The following GALNTL6 variants were observed in gnomAD, a reference collection of about 807,000 sequenced individuals.
The protein encoded by GALNTL6 is polypeptide N-acetylgalactosaminyltransferase like 6, also known as polypeptide N-acetylgalactosaminyltransferase-like 6.
GALNTL6 carries 46 observed loss-of-function variants against 73.7 expected under a neutral mutation model. The observed-to-expected ratio is 0.62, with a 90% CI of 0.49 to 0.80. The LOEUF (loss-of-function observed/expected upper bound fraction) is 0.80, where lower values mean the gene tolerates loss of function less well. GALNTL6 is among the 30% of genes least tolerant of loss of function. The probability of loss-of-function intolerance (pLI) is 0.00; values close to 1 mark genes in which losing one functional copy is unlikely to be tolerated. For missense variants in GALNTL6, 604 were observed against 755.0 expected, an observed-to-expected ratio of 0.80 and a Z score of 2.34; for synonymous variants, 259 against 263.7, an observed-to-expected ratio of 0.98 and a Z score of 0.17.
intron 2 of GALNTL6, among the ~76,000 whole-genome samples, chr4:171,880,024 C>T (rs1375089601): frequency 6.6e-6 from 1 of 152,130 alleles, no homozygotes; most frequent in Non-Finnish European, 1.5e-5. Context: ...TTGTTAAGAG[C>T]TTACTGTTAT....
At chr4:172,588,666 T>C (rs1178767549) in intron 5 of GALNTL6, among the ~76,000 whole-genome samples, 3 of 152,054 alleles carry the variant, frequency 2.0e-5, no homozygotes, top group African/African-American at 7.2e-5. Flanking sequence ...TTCTCAGAGG[T>C]CACTTTAGAA....
At chr4:172,802,087 C>A (rs1290425520) in intron 5 of GALNTL6, among the ~76,000 whole-genome samples, 1 of 150,554 alleles carries the variant, frequency 6.6e-6, no homozygotes, top group Non-Finnish European at 1.5e-5. Flanking sequence ...GAGGAATTTC[C>A]CATCGTTTGG....
At position 172,016,617 on chromosome 4, in the gene GALNTL6, T is replaced by G. The variant is rs1741202258; in HGVS notation, c.138+201899T>G. On this transcript the variant is annotated intron_variant, in intron 2 of 12. Transcript: ENST00000506823. Reference sequence around the variant, plus strand: ...TTTGGATCCATTGCTAGGAAGCTAGTGTGATATTTTGGGGGTTGTTATAGA... The same window carrying G: ...TTTGGATCCATTGCTAGGAAGCTAGGGTGATATTTTGGGGGTTGTTATAGA... 5.9e-5 allele frequency among the ~76,000 whole-genome samples: 9 copies of G among 152,078 alleles called. 1 individual carries two copies. The South Asian group carries it at 1.7e-3, about 28-fold the overall frequency.
intron 2 of GALNTL6, among the ~76,000 whole-genome samples, chr4:171,992,358 T>G (rs2110739615): frequency 6.6e-6 from 1 of 152,180 alleles, no homozygotes; most frequent in African/African-American, 2.4e-5. Context: ...GGCCATTCAG[T>G]TAATTACCCT....
At chr4:172,908,878 C>T (rs184494870) in intron 8 of GALNTL6, among the ~76,000 whole-genome samples, 1 of 151,804 alleles carries the variant, frequency 6.6e-6, no homozygotes, top group African/African-American at 2.4e-5. Flanking sequence ...AAGGCAATCT[C>T]AGTAAAAATG....
At chr4:172,472,081 A>G (rs1733073615) in intron 5 of GALNTL6, among the ~76,000 whole-genome samples, 2 of 152,208 alleles carry the variant, frequency 1.3e-5, no homozygotes, top group Non-Finnish European at 2.9e-5. Flanking sequence ...TATATATGCT[A>G]TTGCAAATTC....
chr4:172,540,760 A>G (rs1034181109), intron 5 of GALNTL6, among the ~76,000 whole-genome samples: 2 of 152,234 alleles, frequency 1.3e-5, no homozygotes, highest in Non-Finnish European at 2.9e-5. Flanking sequence ...GAGTTAAGCT[A>G]TTATCTAAAG....
chr4:172,629,648 T>C (rs1739310423), intron 5 of GALNTL6, among the ~76,000 whole-genome samples: 1 of 152,206 alleles, frequency 6.6e-6, no homozygotes, highest in Admixed American at 6.5e-5. Context: ...TTCTGCTGCT[T>C]ATACACCAAC....
intron 8 of GALNTL6, among the ~76,000 whole-genome samples, chr4:172,896,753 A>G (rs1412525470): frequency 2.0e-5 from 3 of 152,126 alleles, no homozygotes; most frequent in Admixed American, 6.5e-5. Context: ...CCCTCTTGCA[A>G]TTTGGCATCA....
intron 7 of GALNTL6, among the ~76,000 whole-genome samples, chr4:172,847,321 G>C (rs1181311103): frequency 6.6e-6 from 1 of 152,018 alleles, no homozygotes; most frequent in Non-Finnish European, 1.5e-5. Context: ...TTTGGAACTA[G>C]CAATACATTC....
intron 2 of GALNTL6, among the ~76,000 whole-genome samples, chr4:172,021,582 G>A (rs1741403400): frequency 2.0e-5 from 3 of 151,956 alleles, no homozygotes; most frequent in Admixed American, 6.6e-5. Flanking sequence ...CATGGAAATA[G>A]AAAACACAAT....
At chr4:172,414,296 G>T (rs17058415) in intron 5 of GALNTL6, among the ~76,000 whole-genome samples, 1 of 151,928 alleles carries the variant, frequency 6.6e-6, no homozygotes, top group East Asian at 1.9e-4. Flanking sequence ...GCTGCTTTTC[G>T]TACAGAATTG....
At chr4:172,064,549 A>C (rs1731301914) in intron 2 of GALNTL6, among the ~76,000 whole-genome samples, 1 of 152,212 alleles carries the variant, frequency 6.6e-6, no homozygotes. Context: ...TTCCAAGAGC[A>C]GTGTTCTGAC....
At chr4:172,997,810 C>T (rs1751864272) in intron 10 of GALNTL6, among the ~76,000 whole-genome samples, 1 of 152,158 alleles carries the variant, frequency 6.6e-6, no homozygotes, top group Non-Finnish European at 1.5e-5. Context: ...GGTCACTATG[C>T]TTTATATGCA....
intron 2 of GALNTL6, among the ~76,000 whole-genome samples, chr4:171,965,722 AG>A (rs1489872908): frequency 6.6e-6 from 1 of 152,026 alleles, no homozygotes; most frequent in Non-Finnish European, 1.5e-5. Flanking sequence ...ACCTATAAAA[AG>A]CTAGCTGACT....
At chr4:172,693,308 T>C (rs1733429908) in intron 5 of GALNTL6, among the ~76,000 whole-genome samples, 1 of 152,204 alleles carries the variant, frequency 6.6e-6, no homozygotes, top group South Asian at 2.1e-4. Flanking sequence ...TAATCCCACT[T>C]ATCAGTAAGT....
chr4:172,320,281 G>T (rs940691392), intron 4 of GALNTL6, among the ~76,000 whole-genome samples: 1 of 152,042 alleles, frequency 6.6e-6, no homozygotes, highest in African/African-American at 2.4e-5. Flanking sequence ...CAGGCTACTG[G>T]TCCCCTCTTC....
intron 5 of GALNTL6, among the ~76,000 whole-genome samples, chr4:172,394,753 G>A (rs1309609669): frequency 6.6e-6 from 1 of 152,018 alleles, no homozygotes; most frequent in African/African-American, 2.4e-5. Context: ...ACTTGGAAAA[G>A]AAGAAAGTTG....
At chr4:172,270,975 A>G (rs989452313) in intron 3 of GALNTL6, among the ~76,000 whole-genome samples, 6 of 152,136 alleles carry the variant, frequency 3.9e-5, no homozygotes, top group Non-Finnish European at 8.8e-5. Context: ...CTTTTAAAAT[A>G]TTTCTCTACA....
Sources: allele counts gnomAD v4.1 joint callset (sites outside exome capture counted in the v4.1 genomes callset), GRCh38; gene constraint gnomAD v4.1.1; transcripts MANE v1.5; gene names NCBI Gene and HGNC (gene_info 2026-07-23, HGNC 2026-07-21).